Variants in DYNC1I1 observed in about 807,000 individuals in gnomAD.
DYNC1I1 encodes the protein cytoplasmic dynein 1 intermediate chain 1.
DYNC1I1 carries 43 observed loss-of-function variants against 86.6 expected under a neutral mutation model. That is an observed-to-expected ratio of 0.50 (90% CI 0.39 to 0.64). The LOEUF (loss-of-function observed/expected upper bound fraction) is 0.64, where lower values mean the gene tolerates loss of function less well. DYNC1I1 is among the 30% of genes least tolerant of loss of function. DYNC1I1 has a pLI of 0.00. For missense variants in DYNC1I1, 604 were observed against 788.8 expected, an observed-to-expected ratio of 0.77 and a Z score of 2.81; for synonymous variants, 262 against 283.7, an observed-to-expected ratio of 0.92 and a Z score of 0.77.
At position 96,023,995 on chromosome 7, in the gene DYNC1I1, G is replaced by A. The variant is rs189346489; in HGVS notation, c.970-4180G>A. On this transcript the variant is annotated intron_variant, in intron 10 of 16. Coordinates refer to ENST00000447467, the MANE Select transcript of DYNC1I1 (RefSeq NM_001135556.2). Reference sequence around the variant, plus strand: ...CCTCTTAGAAATTGTGGTTCCTAACGTAACACTGTCTTTGTGTTATGTGTG... The same window carrying A: ...CCTCTTAGAAATTGTGGTTCCTAACATAACACTGTCTTTGTGTTATGTGTG... Among the ~76,000 whole-genome samples, 10 of 152,232 alleles carry A rather than the reference G, an allele frequency of 6.6e-5. No individual in the cohort carries two copies. In the South Asian group the frequency reaches 1.2e-3, roughly 19 times the overall value.
At chr7:95,952,647 T>C (rs1792591275) in intron 6 of DYNC1I1, among the ~76,000 whole-genome samples, 1 of 152,206 alleles carries the variant, frequency 6.6e-6, no homozygotes, top group Non-Finnish European at 1.5e-5. Flanking sequence ...AGTCTGTCTA[T>C]TTTGAAGTGA....
At chr7:96,103,143 G>A (rs919011528), downstream of DYNC1I1, among the ~76,000 whole-genome samples, 5 of 152,168 alleles carry the variant, frequency 3.3e-5, no homozygotes, top group South Asian at 2.1e-4. Context: ...TGTAGGGAAG[G>A]TGAGTTCTGT....
chr7:96,009,139 A>G (rs1181556054), intron 10 of DYNC1I1, among the ~76,000 whole-genome samples: 1 of 152,142 alleles, frequency 6.6e-6, no homozygotes, highest in Non-Finnish European at 1.5e-5. Context: ...AGTAAAACAT[A>G]TTTCTCTGGT....
At chr7:96,039,588 T>G (rs1788973930) in intron 14 of DYNC1I1, among the ~76,000 whole-genome samples, 167 bp downstream of exon 14, 1 of 152,240 alleles carries the variant, frequency 6.6e-6, no homozygotes. Flanking sequence ...AAGTCCATTT[T>G]ATTTACTTTT....
chr7:95,915,393 G>C (rs1791443822), intron 6 of DYNC1I1, among the ~76,000 whole-genome samples: 1 of 152,150 alleles, frequency 6.6e-6, no homozygotes, highest in South Asian at 2.1e-4. Context: ...TATCTCCAGA[G>C]CTTTGATTTT....
At position 96,097,646 on chromosome 7, in the gene DYNC1I1, C is replaced by A; in HGVS notation, c.*53C>A. ...CCCACCTTTGTGTCCTAGAGCTCAG[C>A]GTCTGCAGTCAAGTCTCTTGTATTC... On this transcript the variant is annotated 3_prime_UTR_variant, in exon 17 of 17. Transcript: ENST00000447467. The A allele has an allele frequency of 1.2e-6, 2 of 1,606,582 alleles. No individual in the cohort carries two copies. Among genetic ancestry groups the A allele is most frequent in the South Asian group, 2.2e-5 (2 of 90,040 alleles).
chr7:95,776,281 G>T (rs760524844), intron 1 of DYNC1I1, among the ~76,000 whole-genome samples: 1 of 152,134 alleles, frequency 6.6e-6, no homozygotes, highest in Non-Finnish European at 1.5e-5. Flanking sequence ...GTGAGGCCTG[G>T]CCCCAGAATC....
At chr7:95,856,350 C>T (rs1205518535) in intron 5 of DYNC1I1, among the ~76,000 whole-genome samples, 2 of 152,198 alleles carry the variant, frequency 1.3e-5, no homozygotes, top group Admixed American at 6.5e-5. Flanking sequence ...GGAATACCTC[C>T]TGAAGGACCT....
chr7:95,871,456 A>C (rs748066162), intron 6 of DYNC1I1, among the ~76,000 whole-genome samples: 1 of 152,222 alleles, frequency 6.6e-6, no homozygotes. Flanking sequence ...GAAGATCGTT[A>C]AAAAACATCC....
At chr7:96,048,876 T>G (rs1309713659) in intron 14 of DYNC1I1, among the ~76,000 whole-genome samples, 3 of 152,212 alleles carry the variant, frequency 2.0e-5, no homozygotes, top group African/African-American at 7.2e-5. Context: ...ACAGTTACGC[T>G]TGAAACTTGA....
chr7:95,837,339 C>G (rs1789128780), intron 5 of DYNC1I1, among the ~76,000 whole-genome samples: 1 of 152,150 alleles, frequency 6.6e-6, no homozygotes, highest in Admixed American at 6.5e-5. Flanking sequence ...AGATCTCCAG[C>G]TGCGTACTGG....
chr7:95,950,267 A>C (rs1429480720), intron 6 of DYNC1I1, among the ~76,000 whole-genome samples: 2 of 152,198 alleles, frequency 1.3e-5, no homozygotes, highest in Admixed American at 1.3e-4. Flanking sequence ...CAGCCTTTGA[A>C]TATGAAGATG....
intron 15 of DYNC1I1, among the ~76,000 whole-genome samples, chr7:96,078,865 A>G (rs188974007): frequency 6.6e-5 from 10 of 152,276 alleles, no homozygotes; most frequent in African/African-American, 2.2e-4. Context: ...CAGTCATAAT[A>G]AAGTGTATTG....
chr7:96,000,413 T>C (rs988648100), intron 10 of DYNC1I1, among the ~76,000 whole-genome samples: 2 of 152,188 alleles, frequency 1.3e-5, no homozygotes, highest in African/African-American at 4.8e-5. Flanking sequence ...ATGGAAAATT[T>C]AAACTTAACT....
In DYNC1I1 at chr7:96,007,373, G is replaced by A. The variant is rs1009600934; in HGVS notation, c.969+11300G>A. 4.6e-5 allele frequency among the ~76,000 whole-genome samples: 7 copies of A among 152,254 alleles called. No individual in the cohort carries two copies. The East Asian group carries it at 1.4e-3, about 29-fold the overall frequency. ...GTTGAATCTTGCCTAGCAATGGAAT[G>A]AATTCAAGCCATAAATATATTACAT... On this transcript the variant is annotated intron_variant, in intron 10 of 16. Coordinates refer to ENST00000447467, the MANE Select transcript of DYNC1I1 (RefSeq NM_001135556.2).
intron 6 of DYNC1I1, among the ~76,000 whole-genome samples, chr7:95,920,940 G>A (rs1463794750): frequency 1.3e-5 from 2 of 152,160 alleles, no homozygotes; most frequent in Middle Eastern, 3.2e-3. Context: ...TATCCTTGGA[G>A]GAGGATTCTC....
At position 95,827,786 on chromosome 7, in the gene DYNC1I1, G is replaced by T. The variant is rs150014506; in HGVS notation, c.315-271G>T. 4.2e-3 allele frequency among the ~76,000 whole-genome samples: 640 copies of T among 152,208 alleles called. 4 individuals carry two copies. Among genetic ancestry groups the T allele is most frequent in the African/African-American group, 0.015 (604 of 41,518 alleles). On this transcript the variant is annotated intron_variant, in intron 4 of 16. Coordinates refer to ENST00000447467, the MANE Select transcript of DYNC1I1 (RefSeq NM_001135556.2). ...CAATACAAAACAAAACAAAGGGTAGGGGTGTGTGTGGAGTTTGAACACTTG... is the reference window on the plus strand; with the variant it reads ...CAATACAAAACAAAACAAAGGGTAGTGGTGTGTGTGGAGTTTGAACACTTG...
intron 16 of DYNC1I1, among the ~76,000 whole-genome samples, chr7:96,104,661 G>A (rs1229944065): frequency 1.3e-5 from 2 of 151,944 alleles, no homozygotes; most frequent in Non-Finnish European, 2.9e-5. Context: ...TAGCATTCTT[G>A]GTAGAAAAAC....
intron 6 of DYNC1I1, among the ~76,000 whole-genome samples, chr7:95,910,184 T>C (rs1243631261): frequency 6.6e-6 from 1 of 152,224 alleles, no homozygotes; most frequent in Non-Finnish European, 1.5e-5. Flanking sequence ...CACTCAATAT[T>C]GAGTCCCTCC....
Sources: allele counts gnomAD v4.1 joint callset (sites outside exome capture counted in the v4.1 genomes callset), GRCh38; gene constraint gnomAD v4.1.1; transcripts MANE v1.5; gene names NCBI Gene and HGNC (gene_info 2026-07-23, HGNC 2026-07-21).